Variants in KIF6 observed in about 807,000 individuals in gnomAD.
The protein encoded by KIF6 is kinesin-like protein KIF6.
KIF6 carries 106 observed loss-of-function variants against 112.7 expected under a neutral mutation model. That is an observed-to-expected ratio of 0.94 (90% CI 0.80 to 1.11). KIF6 has a LOEUF of 1.11. Ranked by LOEUF, KIF6 falls within the 50% of genes least tolerant of loss-of-function variation. The pLI is 0.00. For synonymous variants in KIF6, 339 were observed against 339.9 expected (o/e 1.00, Z 0.03); for missense variants, 929 against 964.0 (o/e 0.96, Z 0.48).
chr6:39,532,917 A>G (rs1778153965), intron 13 of KIF6, among the ~76,000 whole-genome samples: 1 of 152,210 alleles, frequency 6.6e-6, no homozygotes, highest in African/African-American at 2.4e-5. Context: ...CTGAGTGCAC[A>G]TCATGCTCTG....
At chr6:39,705,176 C>T (rs1043218299) in intron 3 of KIF6, among the ~76,000 whole-genome samples, 6 of 152,162 alleles carry the variant, frequency 3.9e-5, no homozygotes, top group African/African-American at 1.4e-4. Context: ...GAATCTCAAA[C>T]CTTAGTGTGC....
intron 14 of KIF6, among the ~76,000 whole-genome samples, chr6:39,424,643 A>G (rs1309146413): frequency 6.6e-6 from 1 of 152,204 alleles, no homozygotes; most frequent in Middle Eastern, 3.2e-3. Context: ...CTTCATTTCT[A>G]GGATTAGAAT....
At chr6:39,621,058 C>T (rs1399046038) in intron 5 of KIF6, among the ~76,000 whole-genome samples, 3 of 152,006 alleles carry the variant, frequency 2.0e-5, no homozygotes, top group African/African-American at 7.2e-5. Context: ...TGTGAGCCAC[C>T]GCACCCAGCC....
chr6:39,578,236 T>A, intron 9 of KIF6, 77 bp from the exon 10 acceptor site: 1 of 916,766 alleles, frequency 1.1e-6, no homozygotes, highest in African/African-American at 1.6e-5. Flanking sequence ...ATACAGCTCT[T>A]AAAATTATGG....
intron 13 of KIF6, among the ~76,000 whole-genome samples, chr6:39,506,837 A>G (rs771256132): frequency 3.3e-5 from 5 of 152,104 alleles, no homozygotes; most frequent in Non-Finnish European, 7.4e-5. Flanking sequence ...TCATCTTCAC[A>G]GGAAGGGGAG....
chr6:39,345,102 C>T (rs576323733), intron 21 of KIF6, among the ~76,000 whole-genome samples: 2 of 152,388 alleles, frequency 1.3e-5, no homozygotes, highest in South Asian at 4.1e-4. Flanking sequence ...CCCTGTGCCT[C>T]TGCACAGCAG....
intron 13 of KIF6, among the ~76,000 whole-genome samples, chr6:39,487,266 T>C (rs1000249610): frequency 6.6e-6 from 1 of 152,214 alleles, no homozygotes; most frequent in Non-Finnish European, 1.5e-5. Flanking sequence ...GTGTCAGCTA[T>C]ATCCCCATTC....
intron 13 of KIF6, among the ~76,000 whole-genome samples, chr6:39,437,961 CTTTA>C (rs75916178): frequency 0.15 from 22,122 of 151,718 alleles, 2,036 homozygotes; most frequent in African/African-American, 0.26. Context: ...ATTTACTATA[CTTTA>C]TTTATTTATT....
intron 5 of KIF6, among the ~76,000 whole-genome samples, chr6:39,632,305 C>G (rs985101847): frequency 1.3e-5 from 2 of 152,132 alleles, no homozygotes; most frequent in Non-Finnish European, 2.9e-5. Flanking sequence ...GCAGCACCAA[C>G]ATGACCCTGA....
intron 13 of KIF6, among the ~76,000 whole-genome samples, chr6:39,471,495 T>A (rs1774116649): frequency 6.6e-6 from 1 of 152,190 alleles, no homozygotes; most frequent in South Asian, 2.1e-4. Context: ...GGATTTTATT[T>A]AACTGTGGTC....
intron 18 of KIF6, 102 bp downstream of exon 18, chr6:39,360,293 T>C (rs1765028158): frequency 6.6e-6 from 9 of 1,354,556 alleles, no homozygotes; most frequent in Non-Finnish European, 9.1e-6. Flanking sequence ...GCTGAGACCA[T>C]GGGGGCCTGT....
At chr6:39,583,023 T>C (rs943221427) in intron 9 of KIF6, among the ~76,000 whole-genome samples, 58 of 152,250 alleles carry the variant, frequency 3.8e-4, no homozygotes, top group Non-Finnish European at 5.1e-4. Flanking sequence ...TTTTGATTCC[T>C]GATTTCTCTT....
At chr6:39,431,265 C>T in intron 13 of KIF6, 104 bp from the exon 14 acceptor site, 1 of 673,460 alleles carries the variant, frequency 1.5e-6, no homozygotes. Context: ...CTCCAAGAGG[C>T]CCACAGCAGA....
intron 6 of KIF6, among the ~76,000 whole-genome samples, chr6:39,605,278 T>A (rs1022995940): frequency 1.3e-5 from 2 of 152,128 alleles, no homozygotes; most frequent in African/African-American, 4.8e-5. Flanking sequence ...GTCTACTCTG[T>A]CCATTTTTCA....
chr6:39,346,647 C>T, intron 19 of KIF6, 121 bp from the exon 20 acceptor site: 1 of 534,988 alleles, frequency 1.9e-6, no homozygotes, highest in South Asian at 2.8e-5. Context: ...CAGTAATTTT[C>T]TTTTTTTCTT....
chr6:39,425,920 G>A (rs912337377), intron 14 of KIF6, among the ~76,000 whole-genome samples: 5 of 152,116 alleles, frequency 3.3e-5, no homozygotes, highest in African/African-American at 7.2e-5. Flanking sequence ...CCCTCGGTCC[G>A]GTTTTCCTGT....
At chr6:39,635,047 C>CA in intron 4 of KIF6, 89 bp from the exon 5 acceptor site, 1 of 723,548 alleles carries the variant, frequency 1.4e-6, no homozygotes, top group South Asian at 1.7e-5. Context: ...TCAGTTTCCT[C>CA]ATAGTTTCTC....
chr6:39,586,519 G>T, intron 7 of KIF6, 115 bp from the exon 8 acceptor site: 1 of 772,714 alleles, frequency 1.3e-6, no homozygotes, highest in Non-Finnish European at 2.2e-6. Flanking sequence ...TAAATGCACG[G>T]TGAAGCCCAA....
At chr6:39,695,309 T>C (rs571781858) in intron 3 of KIF6, among the ~76,000 whole-genome samples, 22 of 151,882 alleles carry the variant, frequency 1.4e-4, no homozygotes, top group African/African-American at 5.1e-4. Context: ...AAAACAAAAA[T>C]TGACGATTGA....
Sources: gnomAD v4.1 joint callset for allele counts (sites outside exome capture counted in the v4.1 genomes callset) on GRCh38, gnomAD v4.1.1 for gene constraint, MANE v1.5 for transcripts, NCBI Gene and HGNC (gene_info 2026-07-23, HGNC 2026-07-21) for gene names.